The following COBL variants were observed in gnomAD, a reference collection of about 807,000 sequenced individuals.
COBL encodes the protein cordon-bleu WH2 repeat protein, also known as protein cordon-bleu.
Under a neutral mutation model 98.8 loss-of-function variants are expected in COBL, and 51 were observed. That is an observed-to-expected ratio of 0.52 (90% CI 0.41 to 0.65). The LOEUF (loss-of-function observed/expected upper bound fraction) is 0.65, where lower values mean the gene tolerates loss of function less well. Among genes scored for constraint, COBL ranks in the 30% least tolerant of loss-of-function variants. COBL has a pLI of 0.00. For synonymous variants in COBL, 634 were observed against 651.7 expected, an observed-to-expected ratio of 0.97 and a Z score of 0.41; for missense variants, 1,617 against 1,617.5, an observed-to-expected ratio of 1.00 and a Z score of 0.01.
rs560311942 is a variant in COBL, at chr7:51,068,517, G to A, written c.1096+16649C>T. Among the ~76,000 whole-genome samples the A allele has an allele frequency of 1.6e-4, 24 of 152,260 alleles. No homozygotes were observed. The East Asian group carries it at 3.9e-3, about 24-fold the overall frequency. On this transcript the variant is annotated intron_variant, in intron 7 of 12. Transcript: ENST00000265136. ...ATTCGATGTACAGTACTGTCATAAA[G>A]TAATATATATAGTTGTGTGCATGTC...
At chr7:51,197,790 C>T (rs1324973319) in intron 2 of COBL, among the ~76,000 whole-genome samples, 1 of 151,962 alleles carries the variant, frequency 6.6e-6, no homozygotes, top group Non-Finnish European at 1.5e-5. Context: ...CTTTTTTTAT[C>T]GTTGTTGATT....
intron 5 of COBL, among the ~76,000 whole-genome samples, chr7:51,164,257 C>T (rs1203901634): frequency 1.3e-5 from 2 of 151,878 alleles, no homozygotes; most frequent in Admixed American, 6.6e-5. Flanking sequence ...AGAAAGTTAC[C>T]GATATCCAAA....
At chr7:51,051,652 C>T (rs879579331) in intron 7 of COBL, among the ~76,000 whole-genome samples, 37 of 152,230 alleles carry the variant, frequency 2.4e-4, no homozygotes, top group African/African-American at 7.7e-4. Context: ...ATTTCTTTGC[C>T]GCACGTGAAT....
intron 6 of COBL, among the ~76,000 whole-genome samples, chr7:51,098,128 AT>A (rs1463389152): frequency 6.6e-6 from 1 of 151,536 alleles, no homozygotes; most frequent in Non-Finnish European, 1.5e-5. Flanking sequence ...CACAATAAAT[AT>A]TTTCATGAAA....
chr7:51,240,428 TTCA>T (rs1448703200), intron 1 of COBL, among the ~76,000 whole-genome samples: 6 of 152,240 alleles, frequency 3.9e-5, no homozygotes, highest in Non-Finnish European at 8.8e-5. Flanking sequence ...ACTGAGCTCC[TTCA>T]TCAGAGCAGC....
chr7:51,170,547 CAT>C (rs989683235), intron 5 of COBL, among the ~76,000 whole-genome samples: 7 of 144,902 alleles, frequency 4.8e-5, no homozygotes, highest in African/African-American at 1.5e-4. Flanking sequence ...ATATCACATA[CAT>C]ATATATATGT....
At chr7:51,176,816 T>C (rs932225994) in intron 5 of COBL, among the ~76,000 whole-genome samples, 43 of 152,344 alleles carry the variant, frequency 2.8e-4, no homozygotes, top group African/African-American at 1.0e-3. Context: ...TCTATGTTTG[T>C]ATGTATACAT....
intron 1 of COBL, among the ~76,000 whole-genome samples, chr7:51,268,276 T>C (rs1282497487): frequency 6.6e-6 from 1 of 152,202 alleles, no homozygotes; most frequent in Non-Finnish European, 1.5e-5. Context: ...CTATTCCCAG[T>C]AATTTGTCTA....
intron 7 of COBL, among the ~76,000 whole-genome samples, chr7:51,075,859 C>T (rs1793021499): frequency 6.6e-6 from 1 of 152,186 alleles, no homozygotes; most frequent in Admixed American, 6.5e-5. Flanking sequence ...GTTGGGTTGA[C>T]TTAATGGTTT....
chr7:51,264,793 T>C (rs779708397), intron 1 of COBL, among the ~76,000 whole-genome samples: 9 of 151,772 alleles, frequency 5.9e-5, no homozygotes, highest in Admixed American at 4.6e-4. Flanking sequence ...AAGTGGGGTA[T>C]ACAATGAAAT....
intron 6 of COBL, among the ~76,000 whole-genome samples, chr7:51,129,597 C>T (rs1798546410): frequency 6.6e-6 from 1 of 152,112 alleles, no homozygotes. Flanking sequence ...CACAGAATTC[C>T]TGGCTTCCTG....
chr7:51,203,843 T>C (rs923349619), intron 2 of COBL, among the ~76,000 whole-genome samples: 13 of 152,044 alleles, frequency 8.6e-5, no homozygotes, highest in African/African-American at 1.9e-4. Context: ...TCCAAAAAAA[T>C]AGAAAAAGAG....
chr7:51,294,500 G>A (rs576698618), intron 1 of COBL, among the ~76,000 whole-genome samples: 1 of 150,008 alleles, frequency 6.7e-6, no homozygotes, highest in African/African-American at 2.4e-5. Flanking sequence ...AAAAGTAGCT[G>A]GGTGTGGAGG....
intron 1 of COBL, among the ~76,000 whole-genome samples, chr7:51,234,053 G>T (rs778348858): frequency 2.0e-5 from 3 of 152,150 alleles, no homozygotes; most frequent in East Asian, 3.9e-4. Context: ...AGAAAAGAAG[G>T]GTATGTGAAA....
At chr7:51,134,682 T>C (rs10227978) in intron 6 of COBL, among the ~76,000 whole-genome samples, 13,368 of 152,244 alleles carry the variant, frequency 0.088, 663 homozygotes, top group Admixed American at 0.15. Flanking sequence ...AGCAAAAAGA[T>C]ATTCCCAGGG....
At chr7:51,097,770 T>C (rs1795407442) in intron 6 of COBL, among the ~76,000 whole-genome samples, 1 of 152,148 alleles carries the variant, frequency 6.6e-6, no homozygotes, top group Non-Finnish European at 1.5e-5. Context: ...ACACCTGTAA[T>C]CCCAGCACTT....
rs1382778326 is a variant in COBL at position 51,203,269 on chromosome 7, T to C, written c.246-9680A>G. ...CGAGGTCAGGAGATCGAGACCATCC[T>C]GGCTAACACGGTGAAACCCCGTCTC... is the stretch of plus-strand genomic sequence containing the variant. On this transcript the variant is annotated intron_variant, in intron 2 of 12. Coordinates refer to ENST00000265136, the MANE Select transcript of COBL (RefSeq NM_015198.5). 4.3e-5 allele frequency among the ~76,000 whole-genome samples: 6 copies of C among 140,268 alleles called. 1 individual carries two copies. Among genetic ancestry groups the C allele is most frequent in the African/African-American group, 1.8e-4 (6 of 34,106 alleles). The allele number at this position is 140,268 out of a possible 152,430, so 92.0% of individuals were successfully genotyped here.
chr7:51,222,531 C>T (rs1793747674), intron 1 of COBL, among the ~76,000 whole-genome samples: 1 of 151,976 alleles, frequency 6.6e-6, no homozygotes, highest in African/African-American at 2.4e-5. Flanking sequence ...GTTTCAAAGC[C>T]TGAAATTTTA....
chr7:51,036,327 A>C, intron 8 of COBL, among the ~76,000 whole-genome samples: 2 of 124,576 alleles, frequency 1.6e-5, no homozygotes, highest in South Asian at 2.7e-4. Context: ...ACAGAGTGAG[A>C]CTCCGTCTCA....
Sources: allele counts gnomAD v4.1 joint callset (sites outside exome capture counted in the v4.1 genomes callset), GRCh38; gene constraint gnomAD v4.1.1; transcripts MANE v1.5; gene names NCBI Gene and HGNC (gene_info 2026-07-23, HGNC 2026-07-21).